Variants in HS3ST4 observed in about 807,000 individuals in gnomAD.
HS3ST4 encodes the protein heparan sulfate glucosamine 3-O-sulfotransferase 4.
HS3ST4 carries 17 observed loss-of-function variants against 29.2 expected under a neutral mutation model. The observed-to-expected ratio is 0.58, with a 90% CI of 0.40 to 0.87. HS3ST4 has a LOEUF of 0.87. Among genes scored for constraint, HS3ST4 ranks in the 40% least tolerant of loss-of-function variants. The pLI is 0.00. For synonymous variants in HS3ST4, 314 were observed against 285.7 expected (o/e 1.10, Z -1.00); for missense variants, 627 against 634.5 (o/e 0.99, Z 0.13).
chr16:26,019,301 C>G (rs958472047), intron 1 of HS3ST4, among the ~76,000 whole-genome samples: 2 of 152,064 alleles, frequency 1.3e-5, no homozygotes, highest in African/African-American at 4.8e-5. Context: ...TTTTCACGTC[C>G]CAATCATTCT....
intron 1 of HS3ST4, among the ~76,000 whole-genome samples, chr16:26,122,069 G>A (rs561313222): frequency 6.6e-6 from 1 of 151,514 alleles, no homozygotes; most frequent in East Asian, 2.0e-4. Flanking sequence ...GAGGTTATAG[G>A]TAGGCAATGG....
At chr16:25,754,792 T>A (rs1334368049) in intron 1 of HS3ST4, among the ~76,000 whole-genome samples, 1 of 151,946 alleles carries the variant, frequency 6.6e-6, no homozygotes, top group East Asian at 2.0e-4. Flanking sequence ...CACATGGGGA[T>A]TATGGGAACT....
intron 1 of HS3ST4, among the ~76,000 whole-genome samples, chr16:25,936,294 A>G (rs991026961): frequency 1.6e-4 from 25 of 151,962 alleles, no homozygotes; most frequent in African/African-American, 6.0e-4. Flanking sequence ...GGGACCTAGA[A>G]GGCTCACTAA....
At chr16:25,730,586 C>CTCCT (rs768995399) in intron 1 of HS3ST4, among the ~76,000 whole-genome samples, 13 of 143,764 alleles carry the variant, frequency 9.0e-5, no homozygotes, top group South Asian at 7.1e-4. Flanking sequence ...TTCCTCCCTT[C>CTCCT]TCCTTCCTTC....
chr16:25,720,855 C>G (rs999271748), intron 1 of HS3ST4, among the ~76,000 whole-genome samples: 4 of 152,116 alleles, frequency 2.6e-5, no homozygotes, highest in Non-Finnish European at 4.4e-5. Context: ...ACATGAGATG[C>G]CCATTAGACT....
At chr16:25,857,842 TG>T (rs1452887134) in intron 1 of HS3ST4, among the ~76,000 whole-genome samples, 1 of 152,130 alleles carries the variant, frequency 6.6e-6, no homozygotes, top group Non-Finnish European at 1.5e-5. Flanking sequence ...ATCCTTAATT[TG>T]TCATAGATTC....
chr16:25,971,708 G>A (rs1269488684), intron 1 of HS3ST4, among the ~76,000 whole-genome samples: 1 of 152,144 alleles, frequency 6.6e-6, no homozygotes, highest in Non-Finnish European at 1.5e-5. Flanking sequence ...GGCTAATCAC[G>A]AGGTCAGGAG....
rs143477837 is a variant in HS3ST4, at chr16:25,703,409, G to A, written c.734+10258G>A. Among the ~76,000 whole-genome samples the A allele has an allele frequency of 9.2e-5, 14 of 152,312 alleles. 1 individual carries two copies. The East Asian group carries it at 1.5e-3, about 17-fold the overall frequency. ...TATTGAATTCCTTTAGGCTTCACTG[G>A]CACCTCGTGAGATAGGCACTGATAT... On this transcript the variant is annotated intron_variant, in intron 1 of 1. Transcript: ENST00000331351.
intron 1 of HS3ST4, among the ~76,000 whole-genome samples, chr16:25,906,139 A>T (rs1279884350): frequency 6.6e-6 from 1 of 152,202 alleles, no homozygotes; most frequent in Admixed American, 6.5e-5. Context: ...CCTGAGAGGC[A>T]TAATTGGCAA....
At chr16:25,910,950 C>T (rs1968232925) in intron 1 of HS3ST4, among the ~76,000 whole-genome samples, 2 of 152,206 alleles carry the variant, frequency 1.3e-5, no homozygotes, top group South Asian at 4.1e-4. Flanking sequence ...TGTTCAGGCC[C>T]TGCCCAGTCT....
intron 1 of HS3ST4, among the ~76,000 whole-genome samples, chr16:25,981,639 G>A (rs1034900035): frequency 1.7e-5 from 2 of 117,810 alleles, no homozygotes; most frequent in African/African-American, 3.4e-5. Flanking sequence ...ACGGAATCTA[G>A]CTCTGTCGCC....
At chr16:25,966,358 A>G (rs1236728548) in intron 1 of HS3ST4, among the ~76,000 whole-genome samples, 3 of 152,170 alleles carry the variant, frequency 2.0e-5, no homozygotes, top group Non-Finnish European at 4.4e-5. Flanking sequence ...TACCCCAGGA[A>G]TAAGCCCCTA....
chr16:25,926,992 G>A (rs780919610), intron 1 of HS3ST4, among the ~76,000 whole-genome samples: 5 of 152,110 alleles, frequency 3.3e-5, no homozygotes, highest in Admixed American at 6.5e-5. Context: ...AACCCGGGAG[G>A]TGGAGGTTGC....
At chr16:25,903,324 T>TATATATGTATATGTATATATTATATAC (rs1968139739) in intron 1 of HS3ST4, among the ~76,000 whole-genome samples, 1 of 74,298 alleles carries the variant, frequency 1.3e-5, no homozygotes. Context: ...ATATATTATA[T>TATATATGTATATGTATATATTATATAC]ATATGTATAT....
At chr16:25,733,243 T>G (rs1378988753) in intron 1 of HS3ST4, among the ~76,000 whole-genome samples, 3 of 152,248 alleles carry the variant, frequency 2.0e-5, no homozygotes, top group Non-Finnish European at 4.4e-5. Context: ...TATCTTTGGT[T>G]ATTATTTATC....
chr16:26,056,232 G>A (rs1369552743), intron 1 of HS3ST4, among the ~76,000 whole-genome samples: 1 of 152,200 alleles, frequency 6.6e-6, no homozygotes, highest in Non-Finnish European at 1.5e-5. Flanking sequence ...AAGGGGCCAG[G>A]GAAGTAGGTG....
At chr16:25,860,828 A>G in intron 1 of HS3ST4, among the ~76,000 whole-genome samples, 1 of 152,212 alleles carries the variant, frequency 6.6e-6, no homozygotes, top group East Asian at 1.9e-4. Context: ...CCCGTAGGAC[A>G]TACAACACCA....
At chr16:26,115,679 G>A (rs1340985629) in intron 1 of HS3ST4, among the ~76,000 whole-genome samples, 1 of 152,118 alleles carries the variant, frequency 6.6e-6, no homozygotes, top group Non-Finnish European at 1.5e-5. Context: ...GGCTGATGAG[G>A]GAGAAGGAGC....
At chr16:25,926,250 C>G (rs187345621) in intron 1 of HS3ST4, among the ~76,000 whole-genome samples, 65 of 152,336 alleles carry the variant, frequency 4.3e-4, no homozygotes, top group Middle Eastern at 6.8e-3. Flanking sequence ...CAAACAACCA[C>G]TAATCTCTCT....
Sources: allele counts gnomAD v4.1 joint callset (sites outside exome capture counted in the v4.1 genomes callset), GRCh38; gene constraint gnomAD v4.1.1; transcripts MANE v1.5; gene names NCBI Gene and HGNC (gene_info 2026-07-23, HGNC 2026-07-21).